CTNNA3: variants seen among roughly 807,000 people sequenced by gnomAD.
The protein encoded by CTNNA3 is catenin alpha-3.
CTNNA3 carries 76 observed loss-of-function variants against 95.7 expected under a neutral mutation model. The observed-to-expected ratio is 0.79, with a 90% confidence interval of 0.66 to 0.96. CTNNA3 has a LOEUF of 0.96. Among genes scored for constraint, CTNNA3 ranks in the 40% least tolerant of loss-of-function variants. The pLI, the probability that CTNNA3 is intolerant of heterozygous loss-of-function variation, is 0.00. For missense variants in CTNNA3, 1,191 were observed against 1,089.8 expected, an observed-to-expected ratio of 1.09 and a Z score of -1.31; for synonymous variants, 431 against 374.4, an observed-to-expected ratio of 1.15 and a Z score of -1.74.
At chr10:65,965,429 G>A (rs567420175) in intron 17 of CTNNA3, among the ~76,000 whole-genome samples, 8 of 120,496 alleles carry the variant, frequency 6.6e-5, no homozygotes, top group South Asian at 2.7e-4. Flanking sequence ...TTTTGAGATG[G>A]AGTCTTGCAT....
chr10:66,460,448 C>T (rs748665261), intron 11 of CTNNA3, among the ~76,000 whole-genome samples: 1 of 152,154 alleles, frequency 6.6e-6, no homozygotes, highest in Non-Finnish European at 1.5e-5. Context: ...GGGTGGACTG[C>T]ACTTGAGTTA....
chr10:66,534,482 ATATATATATATATATATATG>A (rs869145160), intron 10 of CTNNA3, among the ~76,000 whole-genome samples: 2 of 8,298 alleles, frequency 2.4e-4, no homozygotes, highest in East Asian at 3.9e-4. Flanking sequence ...ATATATATAT[ATATATATATATATATATATG>A]TATATATATG....
At chr10:66,423,607 C>A (rs1021323001) in intron 11 of CTNNA3, among the ~76,000 whole-genome samples, 7 of 152,162 alleles carry the variant, frequency 4.6e-5, no homozygotes, top group Admixed American at 3.3e-4. Flanking sequence ...GAGGTAACCT[C>A]CTCTCTGCCC....
At chr10:66,112,146 A>C (rs1245018586) in intron 13 of CTNNA3, among the ~76,000 whole-genome samples, 3 of 152,136 alleles carry the variant, frequency 2.0e-5, no homozygotes, top group Non-Finnish European at 4.4e-5. Flanking sequence ...ATCAATTCAA[A>C]ATAGGGTTAA....
chr10:66,408,198 A>C (rs1293483790), intron 11 of CTNNA3, among the ~76,000 whole-genome samples: 3 of 152,152 alleles, frequency 2.0e-5, no homozygotes, highest in Non-Finnish European at 4.4e-5. Flanking sequence ...AAATTTGTAA[A>C]ATTTTTATTT....
At chr10:67,660,200 A>C (rs1046180564) in intron 1 of CTNNA3, among the ~76,000 whole-genome samples, 1 of 152,184 alleles carries the variant, frequency 6.6e-6, no homozygotes, top group African/African-American at 2.4e-5. Context: ...ATTTTCTTAA[A>C]GTTTCTCCAG....
intron 13 of CTNNA3, among the ~76,000 whole-genome samples, chr10:66,158,371 G>A (rs1453852321): frequency 6.6e-6 from 1 of 151,978 alleles, no homozygotes; most frequent in African/African-American, 2.4e-5. Context: ...CCTACATGTG[G>A]CTAGCCAATT....
intron 15 of CTNNA3, among the ~76,000 whole-genome samples, chr10:66,011,696 A>T (rs2079008712): frequency 6.6e-6 from 1 of 152,156 alleles, no homozygotes; most frequent in Admixed American, 6.6e-5. Context: ...TTCTTGTCCC[A>T]TATTTATACT....
At chr10:66,138,998 A>T (rs1247667106) in intron 13 of CTNNA3, among the ~76,000 whole-genome samples, 1 of 152,150 alleles carries the variant, frequency 6.6e-6, no homozygotes, top group African/African-American at 2.4e-5. Flanking sequence ...GCACTATATG[A>T]CCAGGAAAGC....
intron 7 of CTNNA3, among the ~76,000 whole-genome samples, chr10:66,829,853 A>AG (rs1842650143): frequency 9.6e-5 from 4 of 41,734 alleles, no homozygotes; most frequent in African/African-American, 3.5e-4. Context: ...TCCCCAGGGG[A>AG]TTTGTTGTTG....
chr10:66,630,570 A>G (rs548684120), intron 9 of CTNNA3, among the ~76,000 whole-genome samples: 71 of 152,274 alleles, frequency 4.7e-4, no homozygotes, highest in African/African-American at 1.6e-3. Context: ...TGGCAGATGG[A>G]AAGAGGCACA....
chr10:67,593,197 A>G lies in CTNNA3; in HGVS notation c.292+13660T>C, dbSNP rs1035085624. 6.5e-4 allele frequency among the ~76,000 whole-genome samples: 99 copies of G among 152,010 alleles called. 1 individual carries two copies. The highest frequency in any genetic ancestry group is 2.8e-4 in the Non-Finnish European group (19 of 67,996). Reference sequence around the variant, plus strand: ...GTAGTCTATGGTGTATACATGGTACATTTTCTTTATCCAATCCACCATTGA... The same window carrying G: ...GTAGTCTATGGTGTATACATGGTACGTTTTCTTTATCCAATCCACCATTGA... On this transcript the variant is annotated intron_variant, in intron 3 of 17. Coordinates refer to ENST00000433211, the MANE Select transcript of CTNNA3 (RefSeq NM_013266.4).
At chr10:67,050,221 G>A (rs1038961230) in intron 7 of CTNNA3, among the ~76,000 whole-genome samples, 1 of 152,222 alleles carries the variant, frequency 6.6e-6, no homozygotes, top group Non-Finnish European at 1.5e-5. Flanking sequence ...TAAGAGGAAA[G>A]CATTATTCCC....
chr10:67,249,991 T>C (rs1450980470), intron 5 of CTNNA3, among the ~76,000 whole-genome samples: 2 of 152,238 alleles, frequency 1.3e-5, no homozygotes, highest in Non-Finnish European at 2.9e-5. Context: ...GGACCTGCTG[T>C]ACTTACAATA....
chr10:67,669,471 G>T (rs147122724), intron 1 of CTNNA3, among the ~76,000 whole-genome samples: 53 of 152,222 alleles, frequency 3.5e-4, no homozygotes, highest in African/African-American at 1.3e-3. Flanking sequence ...GAGAAGAAAT[G>T]TCATAATAAG....
intron 12 of CTNNA3, among the ~76,000 whole-genome samples, chr10:66,313,267 AAG>A: frequency 6.6e-6 from 1 of 152,292 alleles, no homozygotes; most frequent in Non-Finnish European, 1.5e-5. Flanking sequence ...GATAGCTAGT[AAG>A]TGATCAGTCT....
At chr10:67,610,089 A>G (rs1843409853) in intron 2 of CTNNA3, among the ~76,000 whole-genome samples, 3 of 152,226 alleles carry the variant, frequency 2.0e-5, no homozygotes, top group Admixed American at 2.0e-4. Flanking sequence ...AAAACAAAGA[A>G]TAAGTATCAT....
chr10:67,029,839 C>T (rs1479886128), intron 7 of CTNNA3, among the ~76,000 whole-genome samples: 1 of 152,138 alleles, frequency 6.6e-6, no homozygotes, highest in East Asian at 1.9e-4. Context: ...AGCACGGTTC[C>T]TCAATGACAC....
intron 5 of CTNNA3, among the ~76,000 whole-genome samples, chr10:67,238,520 A>G (rs551465426): frequency 6.6e-6 from 1 of 152,312 alleles, no homozygotes; most frequent in Admixed American, 6.5e-5. Context: ...AATCTAAACT[A>G]CTGTGGGTAA....
Sources: allele counts gnomAD v4.1 joint callset (sites outside exome capture counted in the v4.1 genomes callset), GRCh38; gene constraint gnomAD v4.1.1; transcripts MANE v1.5; gene names NCBI Gene and HGNC (gene_info 2026-07-23, HGNC 2026-07-21).